Variants in PCM1 observed in about 807,000 individuals in gnomAD.
PCM1 encodes pericentriolar material 1 protein.
Under a neutral mutation model 241.9 loss-of-function variants are expected in PCM1, and 157 were observed. The observed-to-expected ratio is 0.65, with a 90% CI of 0.57 to 0.74. The LOEUF (loss-of-function observed/expected upper bound fraction) is 0.74, where lower values mean the gene tolerates loss of function less well. Ranked by LOEUF, PCM1 falls within the 30% of genes least tolerant of loss-of-function variation. PCM1 has a pLI of 0.00. For missense variants in PCM1, 3,478 were observed against 2,360.1 expected (o/e 1.47, Z -9.81); for synonymous variants, 1,085 against 784.9 (o/e 1.38, Z -6.39).
At chr8:17,929,593 G>C (rs2058313261) in intron 2 of PCM1, among the ~76,000 whole-genome samples, 1 of 152,136 alleles carries the variant, frequency 6.6e-6, no homozygotes, top group South Asian at 2.1e-4. Flanking sequence ...GTTTAACTGT[G>C]TGTCACATAC....
chr8:17,928,171 A>G (rs1024802445), intron 2 of PCM1, among the ~76,000 whole-genome samples: 3 of 152,168 alleles, frequency 2.0e-5, no homozygotes, highest in African/African-American at 7.2e-5. Flanking sequence ...TTTAACTTGC[A>G]TGGCAAAATT....
intron 5 of PCM1, 108 bp downstream of exon 5, chr8:17,939,117 T>A: frequency 9.7e-7 from 1 of 1,036,158 alleles, no homozygotes; most frequent in Non-Finnish European, 1.4e-6. Context: ...TGGGTGGAAT[T>A]AAAGTGCTTC....
intron 1 of PCM1, among the ~76,000 whole-genome samples, chr8:17,923,436 C>G (rs1043010582): frequency 6.6e-6 from 1 of 152,044 alleles, no homozygotes; most frequent in Admixed American, 6.5e-5. Context: ...GCAGGACTCC[C>G]TTCTTGCCTC....
At chr8:17,952,196 C>T (rs989179218) in intron 8 of PCM1, among the ~76,000 whole-genome samples, 1 of 150,712 alleles carries the variant, frequency 6.6e-6, no homozygotes, top group African/African-American at 2.5e-5. Context: ...GCACTCTAGC[C>T]TGGGCCACAG....
intron 23 of PCM1, among the ~76,000 whole-genome samples, chr8:17,980,070 G>T (rs778037950): frequency 8.0e-5 from 12 of 150,366 alleles, no homozygotes; most frequent in Non-Finnish European, 1.5e-4. Flanking sequence ...AAAAAAAAAA[G>T]GAATTTCTAC....
At chr8:17,990,590 A>C (rs557098720) in intron 27 of PCM1, among the ~76,000 whole-genome samples, 3 of 151,942 alleles carry the variant, frequency 2.0e-5, no homozygotes, top group African/African-American at 7.2e-5. Flanking sequence ...TTGGAAAGGA[A>C]ATTTAAGGAA....
rs2077106721 is a variant in PCM1 at position 17,972,256 on chromosome 8, T to C, written c.3585-73T>C. The C allele has an allele frequency of 8.3e-6, 7 of 847,632 alleles. No homozygotes were observed. The South Asian group carries it at 1.7e-4, about 21-fold the overall frequency. 52.5% of individuals were successfully genotyped at this position (847,632 alleles called of 1,614,324 possible). A position where few individuals can be genotyped will look rare whatever the true frequency, so the allele number is the denominator to read the frequency against. On this transcript the variant is annotated intron_variant, in intron 22 of 38. Coordinates refer to ENST00000325083, the MANE Select transcript of PCM1 (RefSeq NM_006197.4). ...TTCACCTAAATCTACTCGAGTAGAC[T>C]ATAAATTCAGTGTATTTGGAGTTTT... is the stretch of plus-strand genomic sequence containing the variant.
intron 22 of PCM1, among the ~76,000 whole-genome samples, chr8:17,971,994 C>T (rs540098065): frequency 6.6e-6 from 1 of 152,312 alleles, no homozygotes; most frequent in Admixed American, 6.5e-5. Context: ...TTCCTCCTGC[C>T]TCCGCCTTCC....
intron 2 of PCM1, among the ~76,000 whole-genome samples, chr8:17,930,382 C>T (rs995665068): frequency 1.7e-4 from 26 of 151,572 alleles, no homozygotes; most frequent in Non-Finnish European, 2.9e-4. Flanking sequence ...GGATTACAGG[C>T]GTGAGCCACT....
chr8:17,974,965 G>A (rs1373938764), intron 23 of PCM1, among the ~76,000 whole-genome samples: 1 of 151,702 alleles, frequency 6.6e-6, no homozygotes, highest in East Asian at 1.9e-4. Context: ...AATCAAATTA[G>A]CTCAATCCTT....
intron 7 of PCM1, 22 bp from the exon 8 acceptor site, chr8:17,950,593 G>C (rs1004090360): frequency 8.7e-7 from 1 of 1,154,062 alleles, no homozygotes; most frequent in Admixed American, 1.9e-5. Context: ...ACATTAATCA[G>C]TAGTTACTAA....
intron 11 of PCM1, 38 bp from the exon 12 acceptor site, chr8:17,957,226 G>T (rs1464276401): frequency 6.0e-6 from 9 of 1,499,330 alleles, no homozygotes; most frequent in Admixed American, 2.3e-5. Context: ...CTCTTTTTTT[G>T]TGCCTTAAAT....
At chr8:18,003,325 A>G (rs2090231904) in intron 29 of PCM1, among the ~76,000 whole-genome samples, 1 of 152,220 alleles carries the variant, frequency 6.6e-6, no homozygotes, top group Admixed American at 6.5e-5. Flanking sequence ...ACTGGCCCAT[A>G]GGATAAAGAC....
In PCM1 at chr8:17,956,766, T is replaced by C. The variant is rs1302488958; in HGVS notation, c.1635T>C (p.Val545=). 1 of 1,607,454 alleles carries C rather than the reference T, an allele frequency of 6.2e-7. No individual in the cohort carries two copies. Among genetic ancestry groups the C allele is most frequent in the East Asian group, 2.2e-5 (1 of 44,732 alleles). The change falls in exon 11 of 39, where the codon GTT becomes GTC. Residue 545 remains valine, a synonymous_variant. Transcript: ENST00000325083. The stretch of plus-strand genomic sequence containing the variant: ...CTGAGCATGAAAATTCCGAGCCTGT[T>C]ACTAACATTCGGTAAGAACTTTTCT... ...YDSEHENSEP[V]TNIRNPQVAS...
rs2094365618 is a variant in PCM1, at chr8:18,028,411, G to A, written c.*749G>A. 5.2e-6 allele frequency: 1 copy of A among 193,480 alleles called. No individual in the cohort carries two copies. The highest frequency in any genetic ancestry group is 8.2e-5 in the East Asian group (1 of 12,160). 12.0% of individuals were successfully genotyped at this position (193,480 alleles called of 1,614,324 possible). On this transcript the variant is annotated 3_prime_UTR_variant, in exon 39 of 39. Transcript: ENST00000325083. ...AAAATAAGCTTTATATAATTAGGGAGATTTCTGCACAGAGAAGTAACATTG... is the reference window on the plus strand; with the variant it reads ...AAAATAAGCTTTATATAATTAGGGAAATTTCTGCACAGAGAAGTAACATTG...
chr8:17,964,544 T>C (rs1375661373), intron 17 of PCM1, 24 bp from the exon 18 acceptor site: 1 of 1,574,306 alleles, frequency 6.4e-7, no homozygotes, highest in Non-Finnish European at 8.7e-7. Flanking sequence ...GAATGACATC[T>C]GTTTTATGTC....
chr8:17,976,562 A>G (rs1448614401), intron 23 of PCM1, among the ~76,000 whole-genome samples: 2 of 152,220 alleles, frequency 1.3e-5, no homozygotes, highest in East Asian at 1.9e-4. Flanking sequence ...GGATGATTCC[A>G]TGGCCTTCTG....
At chr8:18,024,439 G>C (rs148781074) in intron 36 of PCM1, among the ~76,000 whole-genome samples, 1 of 152,274 alleles carries the variant, frequency 6.6e-6, no homozygotes, top group East Asian at 1.9e-4. Flanking sequence ...TATAATCTTT[G>C]AAAAACGTTA....
rs1210770310 is a variant in PCM1, at chr8:17,996,952, T to G, written c.4827+3333T>G. On this transcript the variant is annotated intron_variant, in intron 29 of 38. Transcript: ENST00000325083. The stretch of plus-strand genomic sequence containing the variant: ...CTTAAGAGTAGTTTACACACCACAA[T>G]TACAGTGTTATAATATTCTGTGTAC... Among the ~76,000 whole-genome samples the G allele has an allele frequency of 2.6e-5, 4 of 152,270 alleles. No individual in the cohort carries two copies. In the East Asian group the frequency reaches 7.7e-4, roughly 29 times the overall value.
Sources: allele counts gnomAD v4.1 joint callset (sites outside exome capture counted in the v4.1 genomes callset), GRCh38; gene constraint gnomAD v4.1.1; transcripts MANE v1.5; gene names NCBI Gene and HGNC (gene_info 2026-07-23, HGNC 2026-07-21).